Variants in KIF16B observed in about 807,000 individuals in gnomAD.
KIF16B encodes the protein kinesin-like protein KIF16B.
In KIF16B, 98 loss-of-function variants were observed where a neutral mutation model predicts 156.3. That is an observed-to-expected ratio of 0.63 (90% CI 0.53 to 0.74). The LOEUF is 0.74. KIF16B is among the 30% of genes least tolerant of loss of function. KIF16B has a pLI of 0.00. For synonymous variants in KIF16B, 564 were observed against 583.7 expected (o/e 0.97, Z 0.49); for missense variants, 1,421 against 1,606.5 (o/e 0.88, Z 1.97).
At chr20:16,322,554 A>G (rs1183801353) in intron 24 of KIF16B, among the ~76,000 whole-genome samples, 1 of 152,056 alleles carries the variant, frequency 6.6e-6, no homozygotes, top group African/African-American at 2.4e-5. Flanking sequence ...ATGTATGCAT[A>G]TTAGAAATAT....
At chr20:16,569,432 A>G (rs2071380185) in intron 1 of KIF16B, among the ~76,000 whole-genome samples, 1 of 152,232 alleles carries the variant, frequency 6.6e-6, no homozygotes, top group African/African-American at 2.4e-5. Flanking sequence ...TAACAGAATC[A>G]CTTCCGCATT....
In KIF16B at chr20:16,379,472, C is replaced by T. The variant is rs142315776; in HGVS notation, c.2530G>A (p.Val844Ile). The T allele has an allele frequency of 4.3e-5, 69 of 1,614,126 alleles. No homozygotes were observed. The African/African-American group carries it at 7.7e-4, about 18-fold the overall frequency. ...TTTTTCAGGATGTCTTTCTGCTGAA[C>T]CAGGTCCTTCTCCAAGTTCACTAGC... The part of the protein sequence containing the change: ...VKLVNLEKDL[V>I]QQKDILKKEV... Residue 844 changes from valine (V) to isoleucine (I), a missense_variant, in exon 19 of 26, where the codon GTT (valine) becomes ATT (isoleucine). Transcript: ENST00000354981.
rs2070231167 is a variant in KIF16B at position 16,542,195 on chromosome 20, C to T, written c.48-13755G>A. 2.0e-5 allele frequency among the ~76,000 whole-genome samples: 3 copies of T among 152,058 alleles called. No homozygotes were observed. The South Asian group carries it at 6.2e-4, about 32-fold the overall frequency. Reference sequence around the variant, plus strand: ...GAGAATAGCCTAACAATCAGAAGTGCCTCAGTACAAAATGAGTTACCTTAA... The same window carrying T: ...GAGAATAGCCTAACAATCAGAAGTGTCTCAGTACAAAATGAGTTACCTTAA... On this transcript the variant is annotated intron_variant, in intron 1 of 25. Transcript: ENST00000354981.
intron 3 of KIF16B, among the ~76,000 whole-genome samples, chr20:16,516,447 A>G (rs1415855981): frequency 6.6e-6 from 1 of 152,240 alleles, no homozygotes; most frequent in African/African-American, 2.4e-5. Flanking sequence ...AGCTGGAAAC[A>G]GACAACAAAA....
At chr20:16,563,357 C>G (rs1277693307) in intron 1 of KIF16B, among the ~76,000 whole-genome samples, 1 of 152,164 alleles carries the variant, frequency 6.6e-6, no homozygotes, top group South Asian at 2.1e-4. Context: ...GAAAGGCAGT[C>G]AAAGCCACCA....
At chr20:16,330,579 A>G (rs999160754) in intron 24 of KIF16B, among the ~76,000 whole-genome samples, 2 of 152,254 alleles carry the variant, frequency 1.3e-5, no homozygotes, top group African/African-American at 4.8e-5. Context: ...TAGTCACAAC[A>G]GCAATAATTG....
At chr20:16,551,565 G>A (rs932016190) in intron 1 of KIF16B, among the ~76,000 whole-genome samples, 1 of 152,208 alleles carries the variant, frequency 6.6e-6, no homozygotes, top group African/African-American at 2.4e-5. Flanking sequence ...GAATGAGGCT[G>A]CCAATCCCTG....
At chr20:16,433,717 T>C (rs2066568631) in intron 12 of KIF16B, among the ~76,000 whole-genome samples, 1 of 152,146 alleles carries the variant, frequency 6.6e-6, no homozygotes, top group Non-Finnish European at 1.5e-5. Context: ...GAATTTATGA[T>C]TAATGCTGCC....
At chr20:16,328,065 G>C (rs959266295) in intron 24 of KIF16B, among the ~76,000 whole-genome samples, 9 of 152,138 alleles carry the variant, frequency 5.9e-5, no homozygotes, top group African/African-American at 2.2e-4. Context: ...TTTCTTTGGT[G>C]CTGCTCAGAA....
At chr20:16,539,597 C>T (rs986167525) in intron 1 of KIF16B, among the ~76,000 whole-genome samples, 7 of 152,276 alleles carry the variant, frequency 4.6e-5, no homozygotes, top group African/African-American at 1.4e-4. Flanking sequence ...GTGCCTGCTC[C>T]GGCTTTGCCT....
At chr20:16,437,845 G>A (rs551434168) in intron 12 of KIF16B, among the ~76,000 whole-genome samples, 15 of 151,956 alleles carry the variant, frequency 9.9e-5, no homozygotes, top group East Asian at 7.8e-4. Context: ...GCTAAAAGTC[G>A]TTATCAGCTG....
At chr20:16,380,253 A>G (rs558977867) in intron 18 of KIF16B, 90 bp from the exon 19 acceptor site, 2 of 1,178,886 alleles carry the variant, frequency 1.7e-6, no homozygotes, top group African/African-American at 3.1e-5. Flanking sequence ...TGCACATACA[A>G]CCAGGTCAAA....
intron 10 of KIF16B, among the ~76,000 whole-genome samples, chr20:16,500,279 T>C (rs2068580367): frequency 6.6e-6 from 1 of 152,206 alleles, no homozygotes; most frequent in Admixed American, 6.5e-5. Context: ...CAGAAAGCAT[T>C]TGAAACTCTA....
chr20:16,478,001 C>G (rs1314648993), intron 12 of KIF16B, among the ~76,000 whole-genome samples: 1 of 152,106 alleles, frequency 6.6e-6, no homozygotes, highest in African/African-American at 2.4e-5. Context: ...TCAGAAGGTA[C>G]CGATGGGCAT....
intron 17 of KIF16B, among the ~76,000 whole-genome samples, chr20:16,387,314 T>C (rs1218031698): frequency 1.3e-5 from 2 of 152,132 alleles, no homozygotes; most frequent in African/African-American, 2.4e-5. Context: ...TGTGTTGATG[T>C]GGTTTTCTCG....
intron 25 of KIF16B, among the ~76,000 whole-genome samples, chr20:16,299,923 C>T (rs1044479771): frequency 1.3e-5 from 2 of 152,114 alleles, no homozygotes; most frequent in Admixed American, 6.6e-5. Flanking sequence ...CTTAGAATAT[C>T]GCAAATAATA....
intron 17 of KIF16B, among the ~76,000 whole-genome samples, chr20:16,389,019 G>C (rs1041347365): frequency 6.6e-6 from 1 of 152,144 alleles, no homozygotes; most frequent in African/African-American, 2.4e-5. Context: ...ATGCACGGAA[G>C]GGAGACCCCC....
intron 1 of KIF16B, among the ~76,000 whole-genome samples, chr20:16,540,168 A>G (rs2070138644): frequency 6.6e-6 from 1 of 152,240 alleles, no homozygotes; most frequent in African/African-American, 2.4e-5. Flanking sequence ...GCAGATGACA[A>G]TCAAGTTTGC....
chr20:16,452,082 C>A (rs913525705), intron 12 of KIF16B, among the ~76,000 whole-genome samples: 2 of 152,080 alleles, frequency 1.3e-5, no homozygotes, highest in African/African-American at 2.4e-5. Flanking sequence ...GTAGCAGACC[C>A]AGAAACCACC....
Sources: allele counts gnomAD v4.1 joint callset (sites outside exome capture counted in the v4.1 genomes callset), GRCh38; gene constraint gnomAD v4.1.1; transcripts MANE v1.5; gene names NCBI Gene and HGNC (gene_info 2026-07-23, HGNC 2026-07-21).